Variants in PDE4D observed in about 807,000 individuals in gnomAD.
PDE4D encodes the protein 3',5'-cyclic-AMP phosphodiesterase 4D.
Under a neutral mutation model 87.4 loss-of-function variants are expected in PDE4D, and 24 were observed. The observed-to-expected ratio is 0.27, with a 90% CI of 0.20 to 0.39. The LOEUF (loss-of-function observed/expected upper bound fraction) is 0.39, where lower values mean the gene tolerates loss of function less well. Among genes scored for constraint, PDE4D ranks in the 10% least tolerant of loss-of-function variants. The pLI, the probability that PDE4D is intolerant of heterozygous loss-of-function variation, is 1.00. For missense variants in PDE4D, 714 were observed against 1,041.0 expected (o/e 0.69, Z 4.32); for synonymous variants, 384 against 383.2 (o/e 1.00, Z -0.02).
At chr5:59,590,530 A>T (rs1348243294) in intron 1 of PDE4D, among the ~76,000 whole-genome samples, 1 of 152,132 alleles carries the variant, frequency 6.6e-6, no homozygotes, top group Non-Finnish European at 1.5e-5. Flanking sequence ...AAGAAATATC[A>T]GGAGTAACCA....
intron 1 of PDE4D, among the ~76,000 whole-genome samples, chr5:60,423,948 A>C (rs926982381): frequency 1.3e-5 from 2 of 152,246 alleles, no homozygotes; most frequent in African/African-American, 2.4e-5. Flanking sequence ...AGAAATGGAT[A>C]AATTCCTGGA....
In PDE4D at chr5:60,036,676, G is replaced by A. The variant is rs111252283; in HGVS notation, c.43-47959C>T. Among the ~76,000 whole-genome samples, 3 of 152,314 alleles carry A rather than the reference G, an allele frequency of 2.0e-5. 1 individual carries two copies. Among genetic ancestry groups the A allele is most frequent in the African/African-American group, 7.2e-5 (3 of 41,564 alleles). On this transcript the variant is annotated intron_variant, in intron 2 of 16. Transcript: ENST00000502484. ...GTCTCCTTTATGCCCTGACACTGAA[G>A]TCAATGTTGTCCTCTTACCAAAAAG...
At chr5:59,564,593 T>A (rs1393120590) in intron 1 of PDE4D, among the ~76,000 whole-genome samples, 1 of 152,128 alleles carries the variant, frequency 6.6e-6, no homozygotes, top group Non-Finnish European at 1.5e-5. Context: ...GCTCTGCATA[T>A]CCAAACAAGC....
rs1272237963 is a variant in PDE4D, at chr5:58,988,513, T to C, written c.1532A>G (p.Asn511Ser). Reference sequence around the variant, plus strand: ...CTTACTTGTATTGATCAGAAATTGATTGGACACACCAGGATGATCTACATC... The same window carrying C: ...CTTACTTGTATTGATCAGAAATTGACTGGACACACCAGGATGATCTACATC... ...IHDVDHPGVS[N>S]QFLINTNSEL... The change falls in exon 11 of 15, where the codon AAT (asparagine) becomes AGT (serine). Residue 511 changes from asparagine (N) to serine (S), a missense_variant. Asn to Ser is a conservative substitution (Grantham distance 46). Coordinates refer to ENST00000340635, the MANE Select transcript of PDE4D (RefSeq NM_001104631.2). 5.4e-6 allele frequency: 8 copies of C among 1,476,450 alleles called. No homozygotes were observed. The highest frequency in any genetic ancestry group is 1.4e-5 in the South Asian group (1 of 73,016). 91.5% of individuals were successfully genotyped at this position (1,476,450 alleles called of 1,614,324 possible).
intron 5 of PDE4D, among the ~76,000 whole-genome samples, chr5:59,110,952 A>G (rs1460108644): frequency 6.6e-6 from 1 of 152,222 alleles, no homozygotes; most frequent in Admixed American, 6.5e-5. Context: ...GATTCAGGGC[A>G]GCCTGATTCC....
rs370435235 is a variant in PDE4D, at chr5:60,009,894, G to C, written c.43-21177C>G. Among the ~76,000 whole-genome samples the C allele has an allele frequency of 5.3e-4, 81 of 152,194 alleles. 1 individual carries two copies. The highest frequency in any genetic ancestry group is 3.4e-3 in the Middle Eastern group (1 of 294). ...ACATTTCACGTTTTGTTTATGGTTA[G>C]ACCTAGTATTTTGGAGAAAATTGAG... On this transcript the variant is annotated intron_variant, in intron 2 of 16. Transcript: ENST00000502484.
At chr5:60,427,355 TG>T (rs1743813247) in intron 1 of PDE4D, among the ~76,000 whole-genome samples, 2 of 152,182 alleles carry the variant, frequency 1.3e-5, no homozygotes, top group South Asian at 2.1e-4. Context: ...AGAATGATCA[TG>T]GGCTTATGAG....
intron 2 of PDE4D, among the ~76,000 whole-genome samples, chr5:60,096,170 T>C (rs1775661718): frequency 6.6e-6 from 1 of 152,154 alleles, no homozygotes; most frequent in Non-Finnish European, 1.5e-5. Context: ...CCTTTGCCCA[T>C]GCTTGTGTCC....
chr5:59,478,005 C>T (rs188324323), intron 1 of PDE4D, among the ~76,000 whole-genome samples: 3 of 151,846 alleles, frequency 2.0e-5, no homozygotes, highest in East Asian at 1.9e-4. Flanking sequence ...TACACATGGA[C>T]GGAAACATGG....
chr5:60,406,095 A>G, intron 1 of PDE4D, among the ~76,000 whole-genome samples: 1 of 152,296 alleles, frequency 6.6e-6, no homozygotes, highest in East Asian at 1.9e-4. Flanking sequence ...TGGAAAAAAA[A>G]TAATAAAGAT....
chr5:59,082,132 C>A lies in PDE4D; in HGVS notation c.809-43161G>T, dbSNP rs112106234. Among the ~76,000 whole-genome samples, 480 of 152,270 alleles carry A rather than the reference C, an allele frequency of 3.2e-3. 1 individual carries two copies. Among genetic ancestry groups the A allele is most frequent in the African/African-American group, 0.011 (467 of 41,550 alleles). On this transcript the variant is annotated intron_variant, in intron 5 of 14. Transcript: ENST00000340635. ...ATAAATTACCCAGTCTAGGGTATTT[C>A]TTCACAGCAGCATGAGAATGGCCTA...
intron 1 of PDE4D, among the ~76,000 whole-genome samples, chr5:59,494,687 A>C (rs1263528151): frequency 6.6e-6 from 1 of 152,158 alleles, no homozygotes; most frequent in African/African-American, 2.4e-5. Flanking sequence ...AACTATCCCT[A>C]ATCTTTCTCT....
chr5:59,033,242 A>C (rs1757905223), intron 6 of PDE4D, among the ~76,000 whole-genome samples: 5 of 152,200 alleles, frequency 3.3e-5, no homozygotes. Flanking sequence ...AGCAAATATC[A>C]AGGCATACCC....
chr5:60,353,271 T>C (rs1431376888), intron 1 of PDE4D, among the ~76,000 whole-genome samples: 2 of 152,186 alleles, frequency 1.3e-5, no homozygotes, highest in Non-Finnish European at 1.5e-5. Context: ...ACTTTGATCC[T>C]GGGACCACCC....
chr5:60,354,786 G>GA lies in PDE4D; in HGVS notation c.-90+133155dup, dbSNP rs529313919. Among the ~76,000 whole-genome samples, 603 of 152,002 alleles carry GA rather than the reference G, an allele frequency of 4.0e-3. 1 individual carries two copies. The highest frequency in any genetic ancestry group is 0.014 in the African/African-American group (590 of 41,490). On this transcript the variant is annotated intron_variant, in intron 1 of 16. Coordinates refer to the PDE4D transcript ENST00000502484. ...TTAGTTTTCATTTTTTAATGTCATT[G>GA]AAAAAATAGTCCAAGACATTTATTT...
At chr5:59,968,891 A>G (rs1221594251) in intron 3 of PDE4D, among the ~76,000 whole-genome samples, 1 of 152,090 alleles carries the variant, frequency 6.6e-6, no homozygotes, top group Non-Finnish European at 1.5e-5. Context: ...GCACGTGATA[A>G]TGTATTATTC....
At chr5:59,214,640 T>A (rs1196685104) in intron 2 of PDE4D, among the ~76,000 whole-genome samples, 19 of 152,130 alleles carry the variant, frequency 1.2e-4, no homozygotes, top group Admixed American at 1.2e-3. Flanking sequence ...TATGTGTGAA[T>A]GAATAAGTAA....
At chr5:60,201,014 G>T (rs1374756221) in intron 1 of PDE4D, among the ~76,000 whole-genome samples, 1 of 151,952 alleles carries the variant, frequency 6.6e-6, no homozygotes, top group Non-Finnish European at 1.5e-5. Flanking sequence ...ATCAAAGATG[G>T]AAGACATTCT....
chr5:59,380,406 AGAG>A (rs1179627675), intron 1 of PDE4D, among the ~76,000 whole-genome samples: 2 of 120,002 alleles, frequency 1.7e-5, no homozygotes, highest in African/African-American at 2.8e-5. Flanking sequence ...AAAAAAAAAA[AGAG>A]AGAGAAAGAA....
Sources: allele counts gnomAD v4.1 joint callset (sites outside exome capture counted in the v4.1 genomes callset), GRCh38; gene constraint gnomAD v4.1.1; transcripts MANE v1.5; gene names NCBI Gene and HGNC (gene_info 2026-07-23, HGNC 2026-07-21).